Variants in TTBK2 observed in about 807,000 individuals in gnomAD.
TTBK2 encodes tau-tubulin kinase 2.
Under a neutral mutation model 110.8 loss-of-function variants are expected in TTBK2, and 28 were observed. That is an observed-to-expected ratio of 0.25 (90% CI 0.19 to 0.35). The LOEUF (loss-of-function observed/expected upper bound fraction) is 0.35, where lower values mean the gene tolerates loss of function less well. TTBK2 is among the 10% of genes least tolerant of loss of function. The probability of loss-of-function intolerance (pLI) is 1.00; values close to 1 mark genes in which losing one functional copy is unlikely to be tolerated. For missense variants in TTBK2, 1,369 were observed against 1,500.3 expected (o/e 0.91, Z 1.45); for synonymous variants, 532 against 527.3 (o/e 1.01, Z -0.12).
chr15:42,807,520 C>T (rs1307082013), intron 9 of TTBK2, among the ~76,000 whole-genome samples: 1 of 152,100 alleles, frequency 6.6e-6, no homozygotes, highest in African/African-American at 2.4e-5. Flanking sequence ...GTAACCCTCC[C>T]ATCTCCGTTT....
Position 42,893,541 on chromosome 15 carries a change from C to A in TTBK2, c.-67-14857G>T, listed in dbSNP as rs76232023. On this transcript the variant is annotated intron_variant, in intron 1 of 14. Transcript: ENST00000267890. The stretch of plus-strand genomic sequence containing the variant: ...ATAATTTTTAAATTGAAAATAAGCA[C>A]GGAAGTTTCAAATTAAAACTATAAG... 4.8e-3 allele frequency among the ~76,000 whole-genome samples: 722 copies of A among 150,954 alleles called. 13 individuals carry two copies. The East Asian group carries it at 0.057, about 12-fold the overall frequency.
chr15:42,802,211 C>G, intron 9 of TTBK2: 1 of 985,700 alleles, frequency 1.0e-6, no homozygotes, highest in Non-Finnish European at 1.6e-6. Context: ...CTTTGGTTGA[C>G]AGTGATGGTG....
At chr15:42,851,853 T>C (rs953262315) in intron 3 of TTBK2, among the ~76,000 whole-genome samples, 7 of 152,136 alleles carry the variant, frequency 4.6e-5, no homozygotes, top group Admixed American at 3.9e-4. Context: ...TTCTGTTGTG[T>C]TGATTTTCAA....
chr15:42,904,598 G>T (rs950957223), intron 1 of TTBK2, among the ~76,000 whole-genome samples: 1 of 152,110 alleles, frequency 6.6e-6, no homozygotes, highest in Admixed American at 6.6e-5. Context: ...AATATGGACA[G>T]AACATACTAA....
intron 7 of TTBK2, 101 bp downstream of exon 7, chr15:42,816,931 T>TAC: frequency 3.1e-6 from 1 of 324,052 alleles, no homozygotes; most frequent in Non-Finnish European, 4.5e-6. Flanking sequence ...CAAATATACA[T>TAC]ATATATATAT....
rs1567042282 is a variant in TTBK2, at chr15:42,818,694, G to A, written c.538-1597C>T. On this transcript the variant is annotated intron_variant, in intron 6 of 14. Coordinates refer to ENST00000267890, the MANE Select transcript of TTBK2 (RefSeq NM_173500.4). ...GAGATCGCGCCACTGCACTCCAGCCGGGGCGACAGAACGAGACTCCGTCTC... is the reference window on the plus strand; with the variant it reads ...GAGATCGCGCCACTGCACTCCAGCCAGGGCGACAGAACGAGACTCCGTCTC... 2.0e-5 allele frequency among the ~76,000 whole-genome samples: 3 copies of A among 151,526 alleles called. No individual in the cohort carries two copies. The South Asian group carries it at 6.3e-4, about 32-fold the overall frequency.
At chr15:42,776,972 T>G in intron 12 of TTBK2, 59 bp downstream of exon 12, 1 of 1,524,224 alleles carries the variant, frequency 6.6e-7, no homozygotes, top group South Asian at 1.1e-5. Context: ...ATAACAACAA[T>G]GACAACAATA....
chr15:42,746,056 T>C lies in TTBK2; in HGVS notation c.3474A>G (p.Ser1158=). Residue 1158 remains serine (S), a synonymous_variant, in exon 15 of 15, where the codon TCA becomes TCG. Transcript: ENST00000267890. ...RRSPSASPRS[S]SLPRTSSSSP... ...AGGAACTAGACGTGCGAGGCAAGGA[T>C]GAGCTTCGAGGAGAGGCACTGGGAC... is the stretch of plus-strand genomic sequence containing the variant. 6.2e-7 allele frequency: 1 copy of C among 1,613,788 alleles called. No homozygotes were observed. The highest frequency in any genetic ancestry group is 8.5e-7 in the Non-Finnish European group (1 of 1,179,718).
intron 11 of TTBK2, among the ~76,000 whole-genome samples, chr15:42,782,037 G>C (rs1190419363): frequency 6.6e-6 from 1 of 151,876 alleles, no homozygotes; most frequent in Non-Finnish European, 1.5e-5. Context: ...AATTCCTAAA[G>C]TTATAAGCTC....
chr15:42,777,087 C>T lies in TTBK2; in HGVS notation c.1353G>A (p.Leu451=), dbSNP rs754487100. ...TTGGCTCCAGGGTCAGACGTTTTTC[C>T]AGCTCAAAGCTGTGAATGGAACGTA... ...RKLRSIHSFE[L]EKRLTLEPKP... The change falls in exon 12 of 15, where the codon CTG becomes CTA. Residue 451 remains leucine, a synonymous_variant. Transcript: ENST00000267890. The T allele has an allele frequency of 8.1e-6, 13 of 1,614,008 alleles. No homozygotes were observed. Among genetic ancestry groups the T allele is most frequent in the African/African-American group, 1.3e-5 (1 of 74,890 alleles).
chr15:42,775,058 G>A (rs1889840171), intron 13 of TTBK2, 77 bp downstream of exon 13: 1 of 1,496,520 alleles, frequency 6.7e-7, no homozygotes. Flanking sequence ...AAGTATCTTA[G>A]TTGATCAACT....
intron 7 of TTBK2, among the ~76,000 whole-genome samples, chr15:42,816,713 T>C (rs1892043959): frequency 6.6e-6 from 1 of 151,874 alleles, no homozygotes; most frequent in East Asian, 1.9e-4. Context: ...AGGCTAGGAG[T>C]TTGAGACCAG....
intron 1 of TTBK2, among the ~76,000 whole-genome samples, chr15:42,908,904 T>C (rs1030744132): frequency 3.3e-5 from 5 of 152,192 alleles, no homozygotes; most frequent in Non-Finnish European, 4.4e-5. Flanking sequence ...TAAATTATAG[T>C]ATATTCGTCC....
At chr15:42,830,190 A>ATTT in intron 4 of TTBK2, 112 bp from the exon 5 acceptor site, 31 of 1,111,884 alleles carry the variant, frequency 2.8e-5, no homozygotes, top group Non-Finnish European at 3.4e-5. Context: ...AATAGCAAGA[A>ATTT]TTTTTTTTTT....
At chr15:42,811,571 G>A (rs1567037834) in intron 8 of TTBK2, 117 bp downstream of exon 8, 2 of 770,530 alleles carry the variant, frequency 2.6e-6, no homozygotes, top group Non-Finnish European at 4.4e-6. Flanking sequence ...TTGGGACATA[G>A]TGAAAATGCT....
At chr15:42,845,730 C>T (rs1474086001) in intron 3 of TTBK2, among the ~76,000 whole-genome samples, 3 of 145,228 alleles carry the variant, frequency 2.1e-5, no homozygotes, top group Non-Finnish European at 3.0e-5. Flanking sequence ...TGCAAAACAA[C>T]AGGGATATGT....
chr15:42,902,137 A>T (rs982060484), intron 1 of TTBK2, among the ~76,000 whole-genome samples: 7 of 151,614 alleles, frequency 4.6e-5, no homozygotes, highest in Non-Finnish European at 8.8e-5. Flanking sequence ...AACTGCCTGA[A>T]CCCAGGAGGG....
intron 6 of TTBK2, among the ~76,000 whole-genome samples, chr15:42,825,715 G>C (rs1177092096): frequency 6.6e-6 from 1 of 151,970 alleles, no homozygotes; most frequent in South Asian, 2.1e-4. Context: ...ACTCCATCTC[G>C]AAAAAATAAA....
chr15:42,799,239 G>A (rs745579066), intron 9 of TTBK2, among the ~76,000 whole-genome samples: 7 of 151,804 alleles, frequency 4.6e-5, no homozygotes, highest in Admixed American at 1.3e-4. Flanking sequence ...GTGTGGTGGC[G>A]GGCACCTGTA....
Sources: allele counts gnomAD v4.1 joint callset (sites outside exome capture counted in the v4.1 genomes callset), GRCh38; gene constraint gnomAD v4.1.1; transcripts MANE v1.5; gene names NCBI Gene and HGNC (gene_info 2026-07-23, HGNC 2026-07-21).